DNAJC3: variants seen among roughly 807,000 people sequenced by gnomAD.
DNAJC3 encodes DnaJ heat shock protein family (Hsp40) member C3.
Under a neutral mutation model 68.6 loss-of-function variants are expected in DNAJC3, and 38 were observed. The observed-to-expected ratio is 0.55, with a 90% CI of 0.43 to 0.73. DNAJC3 has a LOEUF of 0.73. DNAJC3 is among the 30% of genes least tolerant of loss of function. The probability of loss-of-function intolerance (pLI) is 0.00; values close to 1 mark genes in which losing one functional copy is unlikely to be tolerated. For missense variants in DNAJC3, 526 were observed against 591.9 expected (o/e 0.89, Z 1.16); for synonymous variants, 203 against 204.0 (o/e 1.00, Z 0.04).
At chr13:95,716,956 C>A (rs908085792) in intron 2 of DNAJC3, among the ~76,000 whole-genome samples, 4 of 152,094 alleles carry the variant, frequency 2.6e-5, no homozygotes, top group African/African-American at 9.7e-5. Flanking sequence ...TACCTGGGAC[C>A]CCACCCCTCT....
intron 9 of DNAJC3, among the ~76,000 whole-genome samples, chr13:95,785,484 A>G (rs1435012465): frequency 1.0e-4 from 11 of 110,232 alleles, no homozygotes; most frequent in Non-Finnish European, 1.8e-4. Flanking sequence ...TTTGAGACGG[A>G]ATCTCACTCT....
At chr13:95,699,644 G>A (rs917591351) in intron 1 of DNAJC3, among the ~76,000 whole-genome samples, 3 of 152,160 alleles carry the variant, frequency 2.0e-5, no homozygotes, top group Admixed American at 2.0e-4. Context: ...GGTAGTTGTT[G>A]TGAGTCCTTG....
intron 4 of DNAJC3, among the ~76,000 whole-genome samples, chr13:95,729,181 T>TTCTCTCTC (rs34173455): frequency 7.4e-6 from 1 of 134,628 alleles, no homozygotes; most frequent in East Asian, 2.4e-4. Flanking sequence ...CATTCACTCA[T>TTCTCTCTC]TCTCTCTCTC....
At chr13:95,738,704 G>A (rs999120488) in intron 4 of DNAJC3, among the ~76,000 whole-genome samples, 1 of 151,976 alleles carries the variant, frequency 6.6e-6, no homozygotes, top group Non-Finnish European at 1.5e-5. Flanking sequence ...TTTTATTTTG[G>A]GCTTATGTGT....
intron 1 of DNAJC3, among the ~76,000 whole-genome samples, chr13:95,708,629 C>T (rs767658530): frequency 2.6e-5 from 4 of 152,082 alleles, no homozygotes; most frequent in Non-Finnish European, 4.4e-5. Flanking sequence ...CTGCCCTTTA[C>T]GCGCTTATTT....
intron 4 of DNAJC3, among the ~76,000 whole-genome samples, chr13:95,752,344 T>C (rs1409558475): frequency 6.6e-6 from 1 of 152,194 alleles, no homozygotes; most frequent in African/African-American, 2.4e-5. Context: ...AAATAACTTT[T>C]CAAAAACCAA....
In DNAJC3 at chr13:95,792,872, T is replaced by C. The variant is rs1158821160; in HGVS notation, c.*1842T>C. The C allele has an allele frequency of 3.3e-5, 5 of 152,212 alleles. No homozygotes were observed. The highest frequency in any genetic ancestry group is 1.2e-4 in the African/African-American group (5 of 41,462). 9.4% of individuals were successfully genotyped at this position (152,212 alleles called of 1,614,324 possible). On this transcript the variant is annotated 3_prime_UTR_variant, in exon 12 of 12. Transcript: ENST00000602402. ...ATGTCACTGTGACCTCTTTGAAATA[T>C]AGTGATGGCTTTTACCTACTTTGAA...
At chr13:95,784,988 T>A (rs768829937) in intron 9 of DNAJC3, among the ~76,000 whole-genome samples, 3 of 152,146 alleles carry the variant, frequency 2.0e-5, no homozygotes, top group Non-Finnish European at 4.4e-5. Flanking sequence ...AAATAAAAGA[T>A]GTAATGTGGA....
rs1249982587 is a variant in DNAJC3 at position 95,793,237 on chromosome 13, T to C, written c.*2207T>C. ...GAAATGAATTCTCTGCAATCTGTTG[T>C]TTCGCTGATTCATGAAGAAAGTAAC... On this transcript the variant is annotated 3_prime_UTR_variant, in exon 12 of 12. Transcript: ENST00000602402. 6.6e-6 allele frequency: 1 copy of C among 152,168 alleles called. No homozygotes were observed. The highest frequency in any genetic ancestry group is 2.1e-4 in the South Asian group (1 of 4,834). The allele number at this position is 152,168 out of a possible 1,614,324, so 9.4% of individuals were successfully genotyped here.
Position 95,760,184 on chromosome 13 carries a change from C to T in DNAJC3, c.691C>T (p.Leu231=). The T allele has an allele frequency of 6.2e-7, 1 of 1,610,458 alleles. No homozygotes were observed. Residue 231 remains leucine (L), a synonymous_variant, in exon 6 of 12, where the codon CTG becomes TTG. Transcript: ENST00000602402. ...NTEAFYKIST[L]YYQLGDHELS... is the part of the protein sequence containing the mutation. The stretch of plus-strand genomic sequence containing the variant: ...TGAAGCGTTTTATAAAATAAGCACA[C>T]TGTACTACCAACTAGGAGACCACGA...
At position 95,723,345 on chromosome 13, in the gene DNAJC3, A is replaced by G. The variant is rs147586888; in HGVS notation, c.297A>G (p.Gln99=). 2.1e-4 allele frequency: 343 copies of G among 1,612,122 alleles called. No homozygotes were observed. Among genetic ancestry groups the G allele is most frequent in the African/African-American group, 1.6e-3 (122 of 75,026 alleles). Reference sequence around the variant, plus strand: ...TTCCTGATTTAACTAAAGTGATTCAATTGAAGATGGACTTCACTGCAGTAA... The same window carrying G: ...TTCCTGATTTAACTAAAGTGATTCAGTTGAAGATGGACTTCACTGCAGTAA... ...AALPDLTKVI[Q]LKMDFTAARL... The change falls in exon 3 of 12, where the codon CAA becomes CAG. Residue 99 remains glutamine (Q), a synonymous_variant. Coordinates refer to ENST00000602402, the MANE Select transcript of DNAJC3 (RefSeq NM_006260.5).
chr13:95,688,041 T>C (rs1420993716), intron 1 of DNAJC3, among the ~76,000 whole-genome samples: 1 of 152,216 alleles, frequency 6.6e-6, no homozygotes, highest in African/African-American at 2.4e-5. Context: ...TGTGTGGCTA[T>C]TAAAAATGGG....
chr13:95,691,928 G>T (rs1332395620), intron 1 of DNAJC3, among the ~76,000 whole-genome samples: 1 of 152,332 alleles, frequency 6.6e-6, no homozygotes, highest in African/African-American at 2.4e-5. Context: ...GGCGGCGCGC[G>T]CCTGCAATCG....
At chr13:95,738,341 G>A (rs867634031) in intron 4 of DNAJC3, among the ~76,000 whole-genome samples, 2,622 of 148,874 alleles carry the variant, frequency 0.018, 60 homozygotes, top group African/African-American at 0.056. Context: ...TATTAGGTCC[G>A]CTTGGTGCAG....
chr13:95,707,685 G>A (rs1227825214), intron 1 of DNAJC3, among the ~76,000 whole-genome samples: 2 of 152,126 alleles, frequency 1.3e-5, no homozygotes, highest in Admixed American at 1.3e-4. Flanking sequence ...GAAAGGGGAA[G>A]TTTAATCTAA....
intron 2 of DNAJC3, among the ~76,000 whole-genome samples, chr13:95,720,496 G>A (rs954117472): frequency 5.3e-5 from 8 of 152,226 alleles, no homozygotes; most frequent in African/African-American, 1.4e-4. Context: ...TCACTTAAAT[G>A]TTAGTAATTC....
In DNAJC3 at chr13:95,677,350, C is replaced by T. The variant is rs1284916567; in HGVS notation, c.82+13C>T. On this transcript the variant is annotated intron_variant, in intron 1 of 11. Transcript: ENST00000602402. ...CTGCAGTACGAAGGTGAGTCCTGCCCTGCCCCGGCCAGGAAGTGGGCTCCC... is the reference window on the plus strand; with the variant it reads ...CTGCAGTACGAAGGTGAGTCCTGCCTTGCCCCGGCCAGGAAGTGGGCTCCC... 2 of 1,578,138 alleles carry T rather than the reference C, an allele frequency of 1.3e-6. No individual in the cohort carries two copies. The highest frequency in any genetic ancestry group is 1.4e-5 in the African/African-American group (1 of 71,146).
At chr13:95,756,213 T>C (rs1182274672) in intron 4 of DNAJC3, among the ~76,000 whole-genome samples, 2 of 152,216 alleles carry the variant, frequency 1.3e-5, no homozygotes, top group African/African-American at 4.8e-5. Context: ...AAAGTGACAG[T>C]GCACACACAT....
At chr13:95,751,153 T>G (rs2139666955) in intron 4 of DNAJC3, among the ~76,000 whole-genome samples, 1 of 152,330 alleles carries the variant, frequency 6.6e-6, no homozygotes, top group Middle Eastern at 3.4e-3. Flanking sequence ...GAGGATCACT[T>G]GAACCCAGGG....
Sources: gnomAD v4.1 joint callset for allele counts (sites outside exome capture counted in the v4.1 genomes callset) on GRCh38, gnomAD v4.1.1 for gene constraint, MANE v1.5 for transcripts, NCBI Gene and HGNC (gene_info 2026-07-23, HGNC 2026-07-21) for gene names.